Variants in GON4L observed in about 807,000 individuals in gnomAD.
GON4L encodes gon-4 like.
A neutral mutation model predicts 211.8 loss-of-function variants in GON4L; 87 were observed. That is an observed-to-expected ratio of 0.41 (90% CI 0.35 to 0.49). GON4L has a LOEUF of 0.49. Ranked by LOEUF, GON4L falls within the 20% of genes least tolerant of loss-of-function variation. GON4L has a pLI of 0.15. For synonymous variants in GON4L, 875 were observed against 962.6 expected, an observed-to-expected ratio of 0.91 and a Z score of 1.68; for missense variants, 2,155 against 2,659.5, an observed-to-expected ratio of 0.81 and a Z score of 4.17.
intron 14 of GON4L, among the ~76,000 whole-genome samples, chr1:155,781,129 A>T (rs1250316595): frequency 6.6e-6 from 1 of 151,498 alleles, no homozygotes; most frequent in African/African-American, 2.4e-5. Flanking sequence ...ATTTTTTATT[A>T]TTATTATTAT....
At chr1:155,775,496 C>A (rs1663693968) in intron 16 of GON4L, among the ~76,000 whole-genome samples, 1 of 151,506 alleles carries the variant, frequency 6.6e-6, no homozygotes, top group Non-Finnish European at 1.5e-5. Context: ...GCTCTGTCGC[C>A]CAGGCTGGAG....
At chr1:155,858,726 A>G (rs1488457197), upstream of GON4L, among the ~76,000 whole-genome samples, 2 of 98,400 alleles carry the variant, frequency 2.0e-5, 1 homozygote, top group Non-Finnish European at 3.9e-5. Context: ...TTTTTTTTTC[A>G]GACGGAGTCT....
At chr1:155,807,945 C>A (rs1199146776) in intron 10 of GON4L, among the ~76,000 whole-genome samples, 3 of 151,938 alleles carry the variant, frequency 2.0e-5, no homozygotes, top group Non-Finnish European at 2.9e-5. Flanking sequence ...TTCTGTTTAC[C>A]CTCTTGCTTT....
At chr1:155,770,547 T>G (rs1395673367) in intron 19 of GON4L, among the ~76,000 whole-genome samples, 1 of 151,270 alleles carries the variant, frequency 6.6e-6, no homozygotes, top group Admixed American at 6.6e-5. Context: ...ACAACATAAA[T>G]ATCTAAATAA....
intron 2 of GON4L, among the ~76,000 whole-genome samples, chr1:155,833,329 A>G (rs1571895368): frequency 6.6e-6 from 1 of 152,036 alleles, no homozygotes; most frequent in East Asian, 1.9e-4. Context: ...TTCTCTAGCT[A>G]TTTCTCACCC....
At chr1:155,815,281 A>G (rs2102200414) in intron 8 of GON4L, among the ~76,000 whole-genome samples, 1 of 152,358 alleles carries the variant, frequency 6.6e-6, no homozygotes, top group South Asian at 2.1e-4. Flanking sequence ...TAAAACCAAT[A>G]GTATAAATGA....
At chr1:155,771,930 G>A (rs1663230941) in intron 18 of GON4L, among the ~76,000 whole-genome samples, 1 of 151,990 alleles carries the variant, frequency 6.6e-6, no homozygotes, top group African/African-American at 2.4e-5. Flanking sequence ...TTGGGATGCC[G>A]AAGCAGGCAG....
In GON4L at chr1:155,752,071, G is replaced by A. The variant is rs1199370082; in HGVS notation, c.6362C>T (p.Thr2121Ile). The change falls in exon 30 of 32, where the codon ACA becomes ATA. Residue 2121 changes from threonine (T) to isoleucine (I), a missense_variant. Coordinates refer to ENST00000368331, the MANE Select transcript of GON4L (RefSeq NM_001282860.2). ...CTCCCCCTCTGGACCCTTGGCCTGTGTTCCACTGTCTTTAGCCAAACCCCC... is the reference window on the plus strand; with the variant it reads ...CTCCCCCTCTGGACCCTTGGCCTGTATTCCACTGTCTTTAGCCAAACCCCC... ...PRGGLAKDSG[T>I]QAKGPEGEQQ... 8 of 1,613,766 alleles carry A rather than the reference G, an allele frequency of 5.0e-6. No homozygotes were observed. The highest frequency in any genetic ancestry group is 3.3e-5 in the Admixed American group (2 of 60,012).
chr1:155,853,257 G>C lies in GON4L; in HGVS notation c.505+19C>G. 1 of 1,605,300 alleles carries C rather than the reference G, an allele frequency of 6.2e-7. No individual in the cohort carries two copies. Among genetic ancestry groups the C allele is most frequent in the Non-Finnish European group, 8.5e-7 (1 of 1,172,030 alleles). ...GTGGTATTGACAAGAATGTAACCTAGAGACCTTGTATACCTTACCTCCTTC... is the reference window on the plus strand; with the variant it reads ...GTGGTATTGACAAGAATGTAACCTACAGACCTTGTATACCTTACCTCCTTC... On this transcript the variant is annotated intron_variant, in intron 2 of 31. Coordinates refer to ENST00000368331, the MANE Select transcript of GON4L (RefSeq NM_001282860.2).
At chr1:155,828,779 G>A (rs1669459627) in intron 2 of GON4L, among the ~76,000 whole-genome samples, 1 of 140,922 alleles carries the variant, frequency 7.1e-6, no homozygotes, top group South Asian at 2.2e-4. Flanking sequence ...CTGAACTCCA[G>A]CCTGGGCGAC....
At chr1:155,752,725 ATGTCCGCACTT>A in intron 29 of GON4L, 135 bp from the exon 30 acceptor site, 2 of 1,366,372 alleles carry the variant, frequency 1.5e-6, no homozygotes, top group Non-Finnish European at 2.0e-6. Context: ...CACACCTATA[ATGTCCGCACTT>A]TGGGAAGCCA....
In GON4L at chr1:155,768,550, G is replaced by A. The variant is rs563359277; in HGVS notation, c.2647-1009C>T. Among the ~76,000 whole-genome samples, 37 of 151,158 alleles carry A rather than the reference G, an allele frequency of 2.4e-4. No homozygotes were observed. The Middle Eastern group carries it at 0.01, about 42-fold the overall frequency. ...GGCATGAACCTGGGAGGCGGAGCTT[G>A]CAGTGAGCCGAGATCACACCACTGC... is the stretch of plus-strand genomic sequence containing the variant. On this transcript the variant is annotated intron_variant, in intron 19 of 31. Coordinates refer to ENST00000368331, the MANE Select transcript of GON4L (RefSeq NM_001282860.2).
At chr1:155,751,674 C>T in intron 31 of GON4L, 93 bp downstream of exon 31, 1 of 833,298 alleles carries the variant, frequency 1.2e-6, no homozygotes. Context: ...CACTTATTAT[C>T]TTGGATATCA....
At chr1:155,785,092 C>G (rs896762278) in intron 13 of GON4L, 1 of 557,936 alleles carries the variant, frequency 1.8e-6, no homozygotes, top group African/African-American at 1.9e-5. Flanking sequence ...GGAGCAAGAA[C>G]CCCCTCAAAC....
intron 8 of GON4L, 151 bp downstream of exon 8, chr1:155,815,654 A>C (rs1354388215): frequency 1.6e-6 from 1 of 645,128 alleles, no homozygotes; most frequent in African/African-American, 1.8e-5. Context: ...TCTAAAATTA[A>C]GGGAGTATAA....
At chr1:155,777,931 T>A in intron 14 of GON4L, 111 bp from the exon 15 acceptor site, 1 of 737,080 alleles carries the variant, frequency 1.4e-6, no homozygotes, top group Non-Finnish European at 2.4e-6. Context: ...TCCCTACTAA[T>A]CCCCCATCTC....
intron 21 of GON4L, chr1:155,764,621 A>C (rs961186065): frequency 4.4e-6 from 2 of 454,296 alleles, no homozygotes; most frequent in Non-Finnish European, 8.1e-6. Context: ...TGTTATTTTT[A>C]ATATAGATGG....
At position 155,763,523 on chromosome 1, in the gene GON4L, G is replaced by A; in HGVS notation, c.4515C>T (p.Arg1505=). 6.5e-7 allele frequency: 1 copy of A among 1,549,366 alleles called. No individual in the cohort carries two copies. The highest frequency in any genetic ancestry group is 2.4e-5 in the East Asian group (1 of 41,048). ...EKLTWLASER[R]MSQEGESEEE... ...CTTCAGACTCACCCTCCTGACTCAT[G>A]CGCCTTTCAGATGCCAGCCAAGTCA... Residue 1505 remains arginine (R), a synonymous_variant, in exon 22 of 32, where the codon CGC becomes CGT. Transcript: ENST00000368331.
chr1:155,761,351 A>ATT (rs111459761), intron 23 of GON4L, among the ~76,000 whole-genome samples: 3 of 147,032 alleles, frequency 2.0e-5, no homozygotes, highest in South Asian at 2.1e-4. Flanking sequence ...TTAGCTCACT[A>ATT]TTTTTTTTTT....
Sources: allele counts gnomAD v4.1 joint callset (sites outside exome capture counted in the v4.1 genomes callset), GRCh38; gene constraint gnomAD v4.1.1; transcripts MANE v1.5; gene names NCBI Gene and HGNC (gene_info 2026-07-23, HGNC 2026-07-21).